The following SLC30A10 variants were observed in gnomAD, a reference collection of about 807,000 sequenced individuals.
SLC30A10 encodes calcium/manganese antiporter SLC30A10.
SLC30A10 carries 8 observed loss-of-function variants against 21.7 expected under a neutral mutation model. The observed-to-expected ratio is 0.37, with a 90% CI of 0.22 to 0.67. SLC30A10 has a LOEUF of 0.67. SLC30A10 is among the 30% of genes least tolerant of loss of function. SLC30A10 has a pLI of 0.58. For synonymous variants in SLC30A10, 272 were observed against 279.4 expected (o/e 0.97, Z 0.26); for missense variants, 521 against 642.5 (o/e 0.81, Z 2.04).
Position 219,915,328 on chromosome 1 carries a change from AAC to A in SLC30A10, c.*119_*120del. The A allele has an allele frequency of 7.9e-7, 1 of 1,272,124 alleles. No individual in the cohort carries two copies. Among genetic ancestry groups the A allele is most frequent in the Non-Finnish European group, 1.1e-6 (1 of 911,498 alleles). The allele number at this position is 1,272,124 out of a possible 1,614,324, so 78.8% of individuals were successfully genotyped here. ...AATCCCAAACAGCCAACCCCTAGTGAACACAGAGCATGCATGCTGCAAGTCTA... is the reference window on the plus strand; with the variant it reads ...AATCCCAAACAGCCAACCCCTAGTGAACAGAGCATGCATGCTGCAAGTCTA... On this transcript the variant is annotated 3_prime_UTR_variant, in exon 4 of 4. Transcript: ENST00000366926.
At chr1:219,951,694 C>A (rs1660273990) in intron 1 of SLC30A10, among the ~76,000 whole-genome samples, 1 of 150,932 alleles carries the variant, frequency 6.6e-6, no homozygotes, top group South Asian at 2.1e-4. Flanking sequence ...GCACTCCAGC[C>A]TGGACGACAG....
At position 219,925,651 on chromosome 1, in the gene SLC30A10, A is replaced by ATATATATATATATATATT. The variant is rs1317554458; in HGVS notation, c.718+1376_718+1377insAATATATATATATATATA. Reference sequence around the variant, plus strand: ...TGTGTACATATATATATATATATATATTTTTTTTTTTTTTTTTTTTTTGAG... The same window carrying ATATATATATATATATATT: ...TGTGTACATATATATATATATATATATATATATATATATATATTTTTTTTTTTTTTTTTTTTTTTTGAG... On this transcript the variant is annotated intron_variant, in intron 2 of 3. Transcript: ENST00000366926. Among the ~76,000 whole-genome samples, 68 of 48,272 alleles carry ATATATATATATATATATT rather than the reference A, an allele frequency of 1.4e-3. 1 individual carries two copies. The highest frequency in any genetic ancestry group is 1.9e-3 in the African/African-American group (16 of 8,540). 31.7% of individuals were successfully genotyped at this position (48,272 alleles called of 152,430 possible). A position where few individuals can be genotyped will look rare whatever the true frequency, so the allele number is the denominator to read the frequency against.
At position 219,928,481 on chromosome 1, in the gene SLC30A10, C is replaced by G; in HGVS notation, c.-41G>C. 1.3e-6 allele frequency: 2 copies of G among 1,492,320 alleles called. No individual in the cohort carries two copies. Among genetic ancestry groups the G allele is most frequent in the South Asian group, 2.7e-5 (2 of 74,088 alleles). 92.4% of individuals were successfully genotyped at this position (1,492,320 alleles called of 1,614,324 possible). A position where few individuals can be genotyped will look rare whatever the true frequency, so the allele number is the denominator to read the frequency against. On this transcript the variant is annotated 5_prime_UTR_variant, in exon 1 of 4. Coordinates refer to ENST00000366926, the MANE Select transcript of SLC30A10 (RefSeq NM_018713.3). The surrounding 1 kb of genome is among the most constrained non-coding windows in gnomAD (Gnocchi z 6.3). ...GGGCGCCCGGCGCCGCCCAGGGGAGCGCAGCCCACCCCGCGCGCAGCCACA... is the reference window on the plus strand; with the variant it reads ...GGGCGCCCGGCGCCGCCCAGGGGAGGGCAGCCCACCCCGCGCGCAGCCACA...
intron 1 of SLC30A10, among the ~76,000 whole-genome samples, chr1:219,949,344 C>T (rs1276345817): frequency 1.3e-5 from 2 of 152,018 alleles, no homozygotes; most frequent in African/African-American, 4.8e-5. Context: ...ATAGCAAAGA[C>T]TTGGAACCAA....
rs1571816660 is a variant in SLC30A10, at chr1:219,955,878, G to A, written n.80+2690C>T. ...ATCCTAAGTTTAGGTTGAATCTTTT[G>A]AAATCAAGAGTCTTTCCCTCTCATA... On this transcript the variant is annotated intron_variant and non_coding_transcript_variant, in intron 1 of 8. Transcript: ENST00000484239. 2.6e-5 allele frequency among the ~76,000 whole-genome samples: 4 copies of A among 152,254 alleles called. 1 individual carries two copies. In the South Asian group the frequency reaches 8.3e-4, roughly 32 times the overall value.
chr1:219,944,691 G>A (rs776594792), intron 1 of SLC30A10, among the ~76,000 whole-genome samples: 3 of 152,174 alleles, frequency 2.0e-5, no homozygotes, highest in Non-Finnish European at 4.4e-5. Context: ...AGTTATGTAT[G>A]TGCAATCTAA....
Position 219,912,170 on chromosome 1 carries a change from CAAAAAAAAAA to C in SLC30A10, c.*3269_*3278del, listed in dbSNP as rs59792236. On this transcript the variant is annotated 3_prime_UTR_variant, in exon 4 of 4. Transcript: ENST00000366926. ...CCACTGGAATTTGCTCTACCAATGG[CAAAAAAAAAA>C]AAAAAAAAAAAAAAAAGAACTAAAT... Among the ~76,000 whole-genome samples the C allele has an allele frequency of 5.4e-5, 4 of 74,698 alleles. No homozygotes were observed. The highest frequency in any genetic ancestry group is 5.3e-4 in the South Asian group (1 of 1,900). 49.0% of individuals were successfully genotyped at this position (74,698 alleles called of 152,430 possible). A position where few individuals can be genotyped will look rare whatever the true frequency, so the allele number is the denominator to read the frequency against.
upstream of SLC30A10, among the ~76,000 whole-genome samples, chr1:219,932,708 T>TC (rs1167612164): frequency 7.1e-6 from 1 of 140,308 alleles, no homozygotes; most frequent in Non-Finnish European, 1.6e-5. Flanking sequence ...AACCATTCTT[T>TC]TTTTTTTTTT....
At chr1:219,957,303 G>A (rs1034910439) in intron 1 of SLC30A10, among the ~76,000 whole-genome samples, 9 of 152,134 alleles carry the variant, frequency 5.9e-5, no homozygotes, top group Non-Finnish European at 8.8e-5. Context: ...CACAGAGGTA[G>A]GATAAAGGAC....
chr1:219,955,986 A>G (rs1660344261), intron 1 of SLC30A10, among the ~76,000 whole-genome samples: 1 of 152,200 alleles, frequency 6.6e-6, no homozygotes, highest in African/African-American at 2.4e-5. Context: ...GGTTAATGTC[A>G]ATTTATGACG....
At chr1:219,947,578 G>T (rs901968433) in intron 1 of SLC30A10, among the ~76,000 whole-genome samples, 3 of 152,084 alleles carry the variant, frequency 2.0e-5, no homozygotes, top group Non-Finnish European at 4.4e-5. Flanking sequence ...ACCTATTCAG[G>T]TGCAGACAGT....
At chr1:219,935,487 A>C (rs1025741449) in intron 1 of SLC30A10, among the ~76,000 whole-genome samples, 3 of 152,250 alleles carry the variant, frequency 2.0e-5, no homozygotes, top group Non-Finnish European at 4.4e-5. Flanking sequence ...GGGACAACAT[A>C]GGCTTTGGAG....
At position 219,945,715 on chromosome 1, in the gene SLC30A10, T is replaced by A. The variant is rs374299386; in HGVS notation, n.80+12853A>T. Among the ~76,000 whole-genome samples, 58 of 152,322 alleles carry A rather than the reference T, an allele frequency of 3.8e-4. 1 individual carries two copies. The highest frequency in any genetic ancestry group is 1.3e-3 in the African/African-American group (52 of 41,564). ...AATCTTCTGGAATTTATGAAAGACATAAATGCTTGGATTTAATCCCCAGAT... is the reference window on the plus strand; with the variant it reads ...AATCTTCTGGAATTTATGAAAGACAAAAATGCTTGGATTTAATCCCCAGAT... On this transcript the variant is annotated intron_variant and non_coding_transcript_variant, in intron 1 of 8. Transcript: ENST00000484239.
intron 1 of SLC30A10, among the ~76,000 whole-genome samples, chr1:219,941,902 G>A (rs546675170): frequency 3.9e-5 from 6 of 152,190 alleles, no homozygotes; most frequent in South Asian, 2.1e-4. Context: ...TGCCATAATC[G>A]ATCTCCTGTT....
intron 1 of SLC30A10, among the ~76,000 whole-genome samples, chr1:219,927,314 T>C (rs1028846700): frequency 6.6e-6 from 1 of 151,712 alleles, no homozygotes; most frequent in African/African-American, 2.4e-5. Context: ...TCCTTTCAAG[T>C]TAAAACAAAA....
intron 1 of SLC30A10, among the ~76,000 whole-genome samples, chr1:219,941,784 C>T (rs560393192): frequency 6.6e-6 from 1 of 152,126 alleles, no homozygotes; most frequent in East Asian, 1.9e-4. Context: ...AATCTGCAGC[C>T]CAGGATGTCA....
rs980591962 is a variant in SLC30A10, at chr1:219,913,441, C to T, written c.*2008G>A. 2.6e-5 allele frequency: 4 copies of T among 152,188 alleles called. No individual in the cohort carries two copies. Among genetic ancestry groups the T allele is most frequent in the African/African-American group, 7.2e-5 (3 of 41,440 alleles). The allele number at this position is 152,188 out of a possible 1,614,324, so 9.4% of individuals were successfully genotyped here. Reference sequence around the variant, plus strand: ...AAAAACTGTGAAATTATAATTTTCCCTTTTAATAAAGGCAGAATGATGTGA... The same window carrying T: ...AAAAACTGTGAAATTATAATTTTCCTTTTTAATAAAGGCAGAATGATGTGA... On this transcript the variant is annotated 3_prime_UTR_variant, in exon 4 of 4. Transcript: ENST00000366926.
rs568627192 is a variant in SLC30A10, at chr1:219,922,666, A to G, written c.719-4172T>C. 1.8e-4 allele frequency among the ~76,000 whole-genome samples: 27 copies of G among 152,216 alleles called. No homozygotes were observed. The South Asian group carries it at 1.9e-3, about 11-fold the overall frequency. On this transcript the variant is annotated intron_variant, in intron 2 of 3. Coordinates refer to ENST00000366926, the MANE Select transcript of SLC30A10 (RefSeq NM_018713.3). Reference sequence around the variant, plus strand: ...ATCTGTGAAATGGGGTAGTAATAATATCTGCCTCACCTCCCTCAGAGGCTA... The same window carrying G: ...ATCTGTGAAATGGGGTAGTAATAATGTCTGCCTCACCTCCCTCAGAGGCTA...
At chr1:219,925,651 ATTTT>A (rs1210071228) in intron 2 of SLC30A10, among the ~76,000 whole-genome samples, 30 of 48,270 alleles carry the variant, frequency 6.2e-4, no homozygotes, top group African/African-American at 2.3e-3. Flanking sequence ...ATATATATAT[ATTTT>A]TTTTTTTTTT....
Sources: gnomAD v4.1 joint callset for allele counts (sites outside exome capture counted in the v4.1 genomes callset) on GRCh38, gnomAD v4.1.1 for gene constraint, Gnocchi (gnomAD v3.1) non-coding constraint, MANE v1.5 for transcripts, NCBI Gene and HGNC (gene_info 2026-07-23, HGNC 2026-07-21) for gene names.